Variants in NKAIN2 observed in about 807,000 individuals in gnomAD.
NKAIN2 encodes the protein sodium/potassium-transporting ATPase subunit beta-1-interacting protein 2.
A neutral mutation model predicts 32.6 loss-of-function variants in NKAIN2; 14 were observed. The observed-to-expected ratio is 0.43, with a 90% CI of 0.28 to 0.67. The LOEUF is 0.67. NKAIN2 is among the 30% of genes least tolerant of loss of function. The pLI is 0.17. For missense variants in NKAIN2, 198 were observed against 258.3 expected, an observed-to-expected ratio of 0.77 and a Z score of 1.60; for synonymous variants, 80 against 87.2, an observed-to-expected ratio of 0.92 and a Z score of 0.46.
chr6:124,757,554 G>GT (rs1338287528), intron 4 of NKAIN2, among the ~76,000 whole-genome samples: 1 of 152,186 alleles, frequency 6.6e-6, no homozygotes, highest in Non-Finnish European at 1.5e-5. Context: ...ACATATGACA[G>GT]TGAAAAGATG....
At chr6:124,205,870 C>T (rs2114641793) in intron 1 of NKAIN2, among the ~76,000 whole-genome samples, 1 of 151,940 alleles carries the variant, frequency 6.6e-6, no homozygotes, top group South Asian at 2.1e-4. Context: ...TCTTTAGTTT[C>T]CCATATTTTC....
At chr6:124,668,731 G>A (rs1389413558) in intron 4 of NKAIN2, among the ~76,000 whole-genome samples, 2 of 152,180 alleles carry the variant, frequency 1.3e-5, no homozygotes, top group South Asian at 2.1e-4. Context: ...TTCAATAATT[G>A]TTCACGTATT....
chr6:124,245,152 T>C (rs1408817297), intron 1 of NKAIN2, among the ~76,000 whole-genome samples: 1 of 152,122 alleles, frequency 6.6e-6, no homozygotes, highest in African/African-American at 2.4e-5. Flanking sequence ...CATTTTCCTA[T>C]GTTCTTTTTT....
chr6:124,092,139 T>C (rs1035953045), intron 1 of NKAIN2, among the ~76,000 whole-genome samples: 1 of 152,094 alleles, frequency 6.6e-6, no homozygotes, highest in African/African-American at 2.4e-5. Flanking sequence ...TGCTTTCTAT[T>C]TTGTTTTCCT....
intron 4 of NKAIN2, among the ~76,000 whole-genome samples, chr6:124,767,575 C>T (rs1373550841): frequency 6.6e-6 from 1 of 152,140 alleles, no homozygotes; most frequent in Non-Finnish European, 1.5e-5. Context: ...CTCTTTATAG[C>T]CTTCAGCTCT....
At chr6:124,533,287 C>T (rs923569243) in intron 3 of NKAIN2, among the ~76,000 whole-genome samples, 9 of 151,618 alleles carry the variant, frequency 5.9e-5, no homozygotes, top group Non-Finnish European at 8.8e-5. Context: ...CTGACTAACA[C>T]GGTGAAACCC....
intron 3 of NKAIN2, among the ~76,000 whole-genome samples, chr6:124,516,689 C>T (rs1167569887): frequency 1.3e-5 from 2 of 152,116 alleles, no homozygotes; most frequent in African/African-American, 2.4e-5. Flanking sequence ...GTCACACAAC[C>T]TGCTGTGTAT....
intron 4 of NKAIN2, among the ~76,000 whole-genome samples, chr6:124,772,052 A>T (rs894266209): frequency 1.3e-5 from 2 of 152,216 alleles, no homozygotes; most frequent in African/African-American, 2.4e-5. Flanking sequence ...AAATAATTTG[A>T]ATTTTGTCAT....
At chr6:124,228,225 G>A (rs568489397) in intron 1 of NKAIN2, among the ~76,000 whole-genome samples, 25 of 152,256 alleles carry the variant, frequency 1.6e-4, no homozygotes, top group African/African-American at 5.5e-4. Flanking sequence ...TCTTTGAGAA[G>A]CAAATCTGTT....
intron 1 of NKAIN2, among the ~76,000 whole-genome samples, chr6:124,111,828 T>C (rs1785399051): frequency 1.3e-5 from 2 of 152,096 alleles, no homozygotes; most frequent in African/African-American, 4.8e-5. Context: ...CTTGTTGTTT[T>C]GTGTAAATTT....
At chr6:124,476,564 C>A (rs772228577) in intron 3 of NKAIN2, among the ~76,000 whole-genome samples, 24 of 152,090 alleles carry the variant, frequency 1.6e-4, no homozygotes, top group Admixed American at 9.2e-4. Flanking sequence ...AGTTTAGAAA[C>A]CAATTAAATC....
chr6:124,480,492 G>C (rs1777401158), intron 3 of NKAIN2, among the ~76,000 whole-genome samples: 1 of 151,962 alleles, frequency 6.6e-6, no homozygotes, highest in South Asian at 2.1e-4. Context: ...TTGCACCTTT[G>C]ACTTTTTCTT....
chr6:124,152,035 A>G (rs921836934), intron 1 of NKAIN2, among the ~76,000 whole-genome samples: 11 of 151,778 alleles, frequency 7.2e-5, no homozygotes, highest in African/African-American at 2.4e-4. Context: ...TTGCTTTCTC[A>G]ATGCCATGGA....
intron 3 of NKAIN2, among the ~76,000 whole-genome samples, chr6:124,499,055 A>C (rs1385030899): frequency 6.6e-6 from 1 of 152,144 alleles, no homozygotes; most frequent in Admixed American, 6.5e-5. Flanking sequence ...GGTGTTAGCC[A>C]CCTTATCCGG....
rs111323083 is a variant in NKAIN2 at position 124,162,778 on chromosome 6, A to G, written c.55-120227A>G. ...GACCTGCTAACTTACACCCTTTGGA[A>G]TAGCATTTAAAGGTATTACTGCTGT... On this transcript the variant is annotated intron_variant, in intron 1 of 6. Transcript: ENST00000368417. Among the ~76,000 whole-genome samples the G allele has an allele frequency of 2.8e-3, 419 of 152,236 alleles. 2 individuals carry two copies. Among genetic ancestry groups the G allele is most frequent in the African/African-American group, 9.6e-3 (399 of 41,552 alleles).
At chr6:124,501,364 C>T (rs1172568080) in intron 3 of NKAIN2, among the ~76,000 whole-genome samples, 1 of 152,104 alleles carries the variant, frequency 6.6e-6, no homozygotes, top group Non-Finnish European at 1.5e-5. Flanking sequence ...GTGCATGAAG[C>T]CATGTTAGAA....
intron 3 of NKAIN2, among the ~76,000 whole-genome samples, chr6:124,366,445 T>G (rs766251682): frequency 6.6e-6 from 1 of 151,262 alleles, no homozygotes; most frequent in East Asian, 1.9e-4. Flanking sequence ...CAAAATCTTT[T>G]GACAGAAAAA....
intron 5 of NKAIN2, among the ~76,000 whole-genome samples, chr6:124,815,235 T>C (rs1582573139): frequency 6.9e-6 from 1 of 144,472 alleles, no homozygotes; most frequent in East Asian, 2.0e-4. Flanking sequence ...CATATATATA[T>C]ATATATGTAT....
chr6:124,557,841 G>T (rs536962301), intron 3 of NKAIN2, among the ~76,000 whole-genome samples: 1 of 152,220 alleles, frequency 6.6e-6, no homozygotes, highest in African/African-American at 2.4e-5. Context: ...TACTAACAGC[G>T]CATCACTTTG....
Sources: allele counts gnomAD v4.1 joint callset (sites outside exome capture counted in the v4.1 genomes callset), GRCh38; gene constraint gnomAD v4.1.1; transcripts MANE v1.5; gene names NCBI Gene and HGNC (gene_info 2026-07-23, HGNC 2026-07-21).